The following PREX1 variants were observed in gnomAD, a reference collection of about 807,000 sequenced individuals.
PREX1 encodes the protein phosphatidylinositol 3,4,5-trisphosphate-dependent Rac exchanger 1 protein.
A neutral mutation model predicts 198.3 loss-of-function variants in PREX1; 41 were observed. The observed-to-expected ratio is 0.21, with a 90% confidence interval of 0.16 to 0.27. The LOEUF (loss-of-function observed/expected upper bound fraction) is 0.27. Among genes scored for constraint, PREX1 ranks in the 10% least tolerant of loss-of-function variants. The pLI is 1.00. For synonymous variants in PREX1, 843 were observed against 887.2 expected (o/e 0.95, Z 0.89); for missense variants, 1,620 against 2,200.7 (o/e 0.74, Z 5.28).
chr20:48,711,244 T>C (rs2089929419), intron 5 of PREX1, among the ~76,000 whole-genome samples: 1 of 152,130 alleles, frequency 6.6e-6, no homozygotes, highest in Admixed American at 6.5e-5. Context: ...GGGCTCTCTG[T>C]TGTACACAGA....
At chr20:48,826,737 T>C (rs1301699374) in intron 1 of PREX1, among the ~76,000 whole-genome samples, 3 of 152,270 alleles carry the variant, frequency 2.0e-5, no homozygotes, top group African/African-American at 4.8e-5. Context: ...CGCGTGCCTG[T>C]AATCCCAGCT....
At chr20:48,792,817 T>C (rs78006897) in intron 1 of PREX1, among the ~76,000 whole-genome samples, 17,122 of 113,362 alleles carry the variant, frequency 0.15, 1,794 homozygotes, top group Non-Finnish European at 0.21. Flanking sequence ...AAAAAAAAAA[T>C]ACACACACAC....
chr20:48,642,058 AC>A, intron 29 of PREX1, 109 bp downstream of exon 29: 1 of 1,123,084 alleles, frequency 8.9e-7, no homozygotes, highest in East Asian at 2.4e-5. Context: ...TGATGATCCT[AC>A]AGTCGTTCAG....
intron 15 of PREX1, among the ~76,000 whole-genome samples, chr20:48,661,895 T>C (rs985469676): frequency 3.3e-5 from 5 of 152,066 alleles, no homozygotes; most frequent in Non-Finnish European, 7.4e-5. Context: ...GGGCTGAGTA[T>C]AAACAGTGGA....
chr20:48,722,498 T>C (rs1018972284), intron 5 of PREX1, among the ~76,000 whole-genome samples: 1 of 152,104 alleles, frequency 6.6e-6, no homozygotes, highest in African/African-American at 2.4e-5. Flanking sequence ...GGGTTTCTTT[T>C]GGGGGTGACA....
At chr20:48,661,556 T>C (rs140759956) in intron 15 of PREX1, among the ~76,000 whole-genome samples, 1,351 of 127,866 alleles carry the variant, frequency 0.011, 13 homozygotes, top group Middle Eastern at 0.045. Context: ...TATATATATA[T>C]ACACACACAC....
At position 48,666,354 on chromosome 20, in the gene PREX1, C is replaced by G. The variant is rs994518047; in HGVS notation, c.1667G>C (p.Gly556Ala). 1 of 1,558,504 alleles carries G rather than the reference C, an allele frequency of 6.4e-7. No homozygotes were observed. Residue 556 changes from glycine (G) to alanine (A), a missense_variant and splice_region_variant, in exon 15 of 40, where the codon GGA (glycine) becomes GCA (alanine). Around this residue, in one of 7 missense-constraint regions of PREX1, gnomAD observed 488 missense variants for 802.5 expected, o/e 0.61. Coordinates refer to ENST00000371941, the MANE Select transcript of PREX1 (RefSeq NM_020820.4). This position sits in a 1 kb window ranked among gnomAD's most constrained non-coding sequence, Gnocchi z 4.3. Reference sequence around the variant, plus strand: ...TGCCTCCTCCCGAGTCTGGCAGTCTCCCTGGAATGGAACAAGAAGGGGAGG... The same window carrying G: ...TGCCTCCTCCCGAGTCTGGCAGTCTGCCTGGAATGGAACAAGAAGGGGAGG... ...SKLVDWLLAQ[G>A]DCQTREEAVA...
chr20:48,796,817 T>C (rs1319860202), intron 1 of PREX1, among the ~76,000 whole-genome samples: 1 of 151,202 alleles, frequency 6.6e-6, no homozygotes, highest in Non-Finnish European at 1.5e-5. Flanking sequence ...CATGTATAGC[T>C]GTAACATTTT....
At chr20:48,800,801 A>C (rs1286489401) in intron 1 of PREX1, among the ~76,000 whole-genome samples, 1 of 151,912 alleles carries the variant, frequency 6.6e-6, no homozygotes, top group African/African-American at 2.4e-5. Flanking sequence ...ACATGACCTA[A>C]CCACTCTGGA....
At chr20:48,698,764 G>T (rs1164976353) in intron 7 of PREX1, among the ~76,000 whole-genome samples, 1 of 152,192 alleles carries the variant, frequency 6.6e-6, no homozygotes, top group Non-Finnish European at 1.5e-5. Context: ...TGCTGTACCT[G>T]TGCGACCACA....
At chr20:48,837,929 C>CATGA in the PREX1 span, among the ~76,000 whole-genome samples, 1 of 151,096 alleles carries the variant, frequency 6.6e-6, no homozygotes, top group Non-Finnish European at 1.5e-5. Flanking sequence ...CATGCAATAA[C>CATGA]ATGAATGAAT....
At chr20:48,802,552 C>T (rs1258235545) in intron 1 of PREX1, among the ~76,000 whole-genome samples, 1 of 152,204 alleles carries the variant, frequency 6.6e-6, no homozygotes, top group Non-Finnish European at 1.5e-5. Context: ...TCCAAAACAG[C>T]CCCCGACTCT....
In PREX1 at chr20:48,745,075, G is replaced by A. The variant is rs371824462; in HGVS notation, c.364C>T (p.His122Tyr). The A allele has an allele frequency of 4.0e-5, 65 of 1,614,052 alleles. No homozygotes were observed. Among genetic ancestry groups the A allele is most frequent in the Non-Finnish European group, 5.3e-5 (62 of 1,180,028 alleles). ...DFLAALEYCL[H>Y]PEPQSQHELG... ...TCATGCTGAGACTGCGGCTCCGGGT[G>A]TAAACAATACTCCAAGGCGGCCAAG... is the stretch of plus-strand genomic sequence containing the variant. The change falls in exon 3 of 40, where the codon CAC becomes TAC. Residue 122 changes from histidine to tyrosine, a missense_variant. Around this residue, in one of 7 missense-constraint regions of PREX1, gnomAD observed 488 missense variants for 802.5 expected, o/e 0.61. Transcript: ENST00000371941.
chr20:48,823,174 T>A (rs931543087), intron 1 of PREX1, among the ~76,000 whole-genome samples: 4 of 152,266 alleles, frequency 2.6e-5, no homozygotes, highest in African/African-American at 9.6e-5. Context: ...GGGCAGACCC[T>A]CTGTGTCTCT....
chr20:48,702,951 C>A (rs2089882959), intron 6 of PREX1, among the ~76,000 whole-genome samples: 1 of 152,184 alleles, frequency 6.6e-6, no homozygotes, highest in Non-Finnish European at 1.5e-5. Flanking sequence ...AACAAAGAAA[C>A]AAGAAGTGAT....
chr20:48,633,055 T>C (rs1048805509), intron 33 of PREX1, among the ~76,000 whole-genome samples: 1 of 152,194 alleles, frequency 6.6e-6, no homozygotes, highest in Non-Finnish European at 1.5e-5. Context: ...AAACAGGGTA[T>C]ACATCTGATT....
intron 1 of PREX1, among the ~76,000 whole-genome samples, chr20:48,798,332 A>C (rs1315634314): frequency 6.6e-6 from 1 of 152,124 alleles, no homozygotes; most frequent in Admixed American, 6.5e-5. Context: ...TGAGGCAGCT[A>C]CCTAACCAAT....
At chr20:48,761,874 A>C (rs1333953507) in intron 1 of PREX1, among the ~76,000 whole-genome samples, 1 of 152,232 alleles carries the variant, frequency 6.6e-6, no homozygotes, top group Admixed American at 6.5e-5. Context: ...CAGGTTTCCC[A>C]TTAAAATCCA....
intron 10 of PREX1, among the ~76,000 whole-genome samples, chr20:48,687,437 T>C (rs2089791805): frequency 6.6e-6 from 1 of 152,234 alleles, no homozygotes; most frequent in Admixed American, 6.5e-5. Context: ...CTGTTGCCTT[T>C]CAAGTTATCC....
Sources: allele counts gnomAD v4.1 joint callset (sites outside exome capture counted in the v4.1 genomes callset), GRCh38; gene constraint gnomAD v4.1.1; regional missense constraint gnomAD v4.1.1; non-coding constraint Gnocchi (gnomAD v3.1); transcripts MANE v1.5; gene names NCBI Gene and HGNC (gene_info 2026-07-23, HGNC 2026-07-21).